Variants in CDKAL1 observed in about 807,000 individuals in gnomAD.
CDKAL1 encodes CDKAL1 threonylcarbamoyladenosine tRNA methylthiotransferase.
CDKAL1 carries 32 observed loss-of-function variants against 68.2 expected under a neutral mutation model. That is an observed-to-expected ratio of 0.47 (90% CI 0.35 to 0.63). CDKAL1 has a LOEUF of 0.63. Among genes scored for constraint, CDKAL1 ranks in the 30% least tolerant of loss-of-function variants. The pLI, the probability that CDKAL1 is intolerant of heterozygous loss-of-function variation, is 0.00. For missense variants in CDKAL1, 606 were observed against 696.7 expected (o/e 0.87, Z 1.47); for synonymous variants, 234 against 244.3 (o/e 0.96, Z 0.39).
At chr6:21,142,715 G>A (rs1775979895) in intron 13 of CDKAL1, among the ~76,000 whole-genome samples, 1 of 152,170 alleles carries the variant, frequency 6.6e-6, no homozygotes, top group Non-Finnish European at 1.5e-5. Context: ...AAAAAGAGAA[G>A]TACAAAATGT....
In CDKAL1 at chr6:20,587,032, G is replaced by T. The variant is rs180727152; in HGVS notation, c.286+38327G>T. On this transcript the variant is annotated intron_variant, in intron 4 of 15. Transcript: ENST00000274695. ...ACGGAGTTTTGCTCTTTTTGCCCAG[G>T]CTGGAGGGCAATGGCAAGATCTCGG... Among the ~76,000 whole-genome samples the T allele has an allele frequency of 1.5e-4, 19 of 130,472 alleles. No homozygotes were observed. In the Admixed American group the frequency reaches 1.6e-3, roughly 11 times the overall value. 85.6% of individuals were successfully genotyped at this position (130,472 alleles called of 152,430 possible).
chr6:21,211,617 G>T (rs1393721982), intron 15 of CDKAL1, among the ~76,000 whole-genome samples: 2 of 152,158 alleles, frequency 1.3e-5, no homozygotes, highest in African/African-American at 2.4e-5. Flanking sequence ...CATGGTATTT[G>T]TATTCATATT....
intron 9 of CDKAL1, among the ~76,000 whole-genome samples, chr6:20,871,824 C>A (rs1024945987): frequency 9.9e-5 from 15 of 152,244 alleles, no homozygotes; most frequent in African/African-American, 3.6e-4. Flanking sequence ...TCCAAACTTT[C>A]CATGAAATTA....
chr6:20,918,548 A>AGC (rs1762817157), intron 9 of CDKAL1, among the ~76,000 whole-genome samples: 1 of 152,224 alleles, frequency 6.6e-6, no homozygotes, highest in Non-Finnish European at 1.5e-5. Flanking sequence ...ATTCTTGTAC[A>AGC]TCACAAAAAG....
At chr6:21,003,371 T>TATATATATATATAC in intron 11 of CDKAL1, among the ~76,000 whole-genome samples, 1,692 of 48,906 alleles carry the variant, frequency 0.035, 87 homozygotes, top group Non-Finnish European at 0.046. Flanking sequence ...TATATATATA[T>TATATATATATATAC]ACACACACAC....
At chr6:21,155,252 GT>G (rs11456476) in intron 13 of CDKAL1, among the ~76,000 whole-genome samples, 14 of 151,494 alleles carry the variant, frequency 9.2e-5, no homozygotes, top group South Asian at 2.1e-4. Context: ...GTTTTATCTA[GT>G]TTTTTTTCCC....
rs80092349 is a variant in CDKAL1, at chr6:20,850,411, G to A, written c.742+4233G>A. On this transcript the variant is annotated intron_variant, in intron 9 of 15. Transcript: ENST00000274695. ...AGTCATATGATAGAATATACAATAG[G>A]ATCAAAATTTTATTCCAAATAGCAT... Among the ~76,000 whole-genome samples, 167 of 152,098 alleles carry A rather than the reference G, an allele frequency of 1.1e-3. 5 individuals carry two copies. The East Asian group carries it at 0.031, about 28-fold the overall frequency.
At chr6:20,863,201 C>A (rs1759736526) in intron 9 of CDKAL1, among the ~76,000 whole-genome samples, 1 of 152,258 alleles carries the variant, frequency 6.6e-6, no homozygotes, top group African/African-American at 2.4e-5. Flanking sequence ...ATGGGTCCCA[C>A]TGAGTAGAAA....
intron 5 of CDKAL1, among the ~76,000 whole-genome samples, chr6:20,670,480 A>C (rs73732729): frequency 0.07 from 10,693 of 152,086 alleles, 1,228 homozygotes; most frequent in African/African-American, 0.24. Context: ...CATTCTTTCC[A>C]TCTTGAGCCC....
intron 4 of CDKAL1, among the ~76,000 whole-genome samples, chr6:20,589,578 G>T (rs897685789): frequency 3.9e-5 from 6 of 152,182 alleles, no homozygotes; most frequent in African/African-American, 1.4e-4. Context: ...CTTCTTGTTT[G>T]ATTAGAAAAT....
In CDKAL1 at chr6:20,781,191, G is replaced by A. The variant is rs930243673; in HGVS notation, c.564G>A (p.Arg188=). The change falls in exon 8 of 16, where the codon CGG becomes CGA. Residue 188 remains arginine, a synonymous_variant. Coordinates refer to ENST00000274695, the MANE Select transcript of CDKAL1 (RefSeq NM_017774.3). ...LLGQKKDNGR[R]LGGARLDLPK... Reference sequence around the variant, plus strand: ...GTCAGAAAAAGGATAATGGAAGGCGGCTTGGGGGAGCACGATTGGATTTGC... The same window carrying A: ...GTCAGAAAAAGGATAATGGAAGGCGACTTGGGGGAGCACGATTGGATTTGC... 1 of 1,613,718 alleles carries A rather than the reference G, an allele frequency of 6.2e-7. No homozygotes were observed.
At chr6:20,817,918 C>T (rs888671313) in intron 8 of CDKAL1, among the ~76,000 whole-genome samples, 4 of 152,092 alleles carry the variant, frequency 2.6e-5, no homozygotes, top group Non-Finnish European at 5.9e-5. Flanking sequence ...TAATGACAGG[C>T]TGTATTAGCA....
At chr6:21,202,567 A>G (rs1778735321) in intron 15 of CDKAL1, among the ~76,000 whole-genome samples, 1 of 152,120 alleles carries the variant, frequency 6.6e-6, no homozygotes, top group Non-Finnish European at 1.5e-5. Context: ...TTTTCCACAT[A>G]GTGTGTTTTA....
intron 13 of CDKAL1, among the ~76,000 whole-genome samples, chr6:21,157,443 CAAAA>C (rs1236367932): frequency 6.6e-6 from 1 of 152,098 alleles, no homozygotes; most frequent in Non-Finnish European, 1.5e-5. Context: ...AAGAAACAAA[CAAAA>C]AACGAAAGAT....
chr6:20,866,384 A>G (rs1217532947), intron 9 of CDKAL1, among the ~76,000 whole-genome samples: 1 of 152,208 alleles, frequency 6.6e-6, no homozygotes, highest in Non-Finnish European at 1.5e-5. Context: ...CCTATTAGAA[A>G]TAAACATGAT....
intron 8 of CDKAL1, among the ~76,000 whole-genome samples, chr6:20,803,773 T>C (rs1279327690): frequency 6.6e-6 from 1 of 152,094 alleles, no homozygotes; most frequent in East Asian, 1.9e-4. Flanking sequence ...ATGGCAGAAA[T>C]AGAAAATAAT....
At chr6:20,784,401 A>G (rs970551845) in intron 8 of CDKAL1, among the ~76,000 whole-genome samples, 4 of 63,820 alleles carry the variant, frequency 6.3e-5, no homozygotes, top group African/African-American at 2.2e-4. Flanking sequence ...TTTCTTCCAG[A>G]TATTTTATTT....
Position 20,730,365 on chromosome 6 carries a change from T to C in CDKAL1, c.372-9154T>C, listed in dbSNP as rs1272228120. ...AGACCCGAAAAGAAAGAAAGATAGA[T>C]AGATGGAGCCCGACCCGAAAAAAAA... On this transcript the variant is annotated intron_variant, in intron 5 of 15. Transcript: ENST00000274695. Among the ~76,000 whole-genome samples, 10 of 121,364 alleles carry C rather than the reference T, an allele frequency of 8.2e-5. No homozygotes were observed. In the Admixed American group the frequency reaches 9.5e-4, roughly 12 times the overall value. The allele number at this position is 121,364 out of a possible 152,430, so 79.6% of individuals were successfully genotyped here.
At chr6:21,172,703 C>G (rs1043740785) in intron 13 of CDKAL1, among the ~76,000 whole-genome samples, 2 of 152,116 alleles carry the variant, frequency 1.3e-5, no homozygotes, top group African/African-American at 4.8e-5. Context: ...CTGCAGTGAG[C>G]TAGGATCATA....
Sources: gnomAD v4.1 joint callset for allele counts (sites outside exome capture counted in the v4.1 genomes callset) on GRCh38, gnomAD v4.1.1 for gene constraint, MANE v1.5 for transcripts, NCBI Gene and HGNC (gene_info 2026-07-23, HGNC 2026-07-21) for gene names.